ADCY4: variants seen among roughly 807,000 people sequenced by gnomAD.
ADCY4 encodes the protein adenylate cyclase 4, also known as adenylate cyclase type 4.
ADCY4 carries 111 observed loss-of-function variants against 125.5 expected under a neutral mutation model. The observed-to-expected ratio is 0.88, with a 90% CI of 0.76 to 1.04. The LOEUF (loss-of-function observed/expected upper bound fraction) is 1.04. Among genes scored for constraint, ADCY4 ranks in the 50% least tolerant of loss-of-function variants. The pLI, the probability that ADCY4 is intolerant of heterozygous loss-of-function variation, is 0.00. For synonymous variants in ADCY4, 576 were observed against 586.9 expected (o/e 0.98, Z 0.27); for missense variants, 1,256 against 1,382.9 (o/e 0.91, Z 1.46).
chr14:24,331,298 A>G lies in ADCY4; in HGVS notation c.728T>C (p.Ile243Thr), dbSNP rs756270098. 7 of 1,614,006 alleles carry G rather than the reference A, an allele frequency of 4.3e-6. No homozygotes were observed. Among genetic ancestry groups the G allele is most frequent in the Non-Finnish European group, 5.9e-6 (7 of 1,180,026 alleles). Reference sequence around the variant, plus strand: ...CTGTCCTGCCTGCAGCCGTGCCATGATCTCTGCCTTCATCTCTCGGGCCAG... The same window carrying G: ...CTGTCCTGCCTGCAGCCGTGCCATGGTCTCTGCCTTCATCTCTCGGGCCAG... The part of the protein sequence containing the change: ...AYLAREMKAE[I>T]MARLQAGQGS... Residue 243 changes from isoleucine (I) to threonine (T), a missense_variant, in exon 5 of 25, where the codon ATC (isoleucine) becomes ACC (threonine). Ile to Thr is a moderately conservative substitution (Grantham distance 89). Transcript: ENST00000418030.
At chr14:24,333,032 G>A (rs1329005874) in intron 1 of ADCY4, 44 bp from the exon 2 acceptor site, 2 of 1,485,884 alleles carry the variant, frequency 1.3e-6, no homozygotes, top group Non-Finnish European at 1.8e-6. Context: ...CAGGGAGAAG[G>A]AACGAACCTG....
intron 10 of ADCY4, chr14:24,328,460 T>A (rs1447424791): frequency 6.5e-6 from 1 of 154,638 alleles, no homozygotes; most frequent in African/African-American, 2.4e-5. Context: ...AAAATACTAA[T>A]AGTCCCTGAT....
rs1323640572 is a variant in ADCY4 at position 24,322,678 on chromosome 14, C to T, written c.2373G>A (p.Met791Ile). ...RPGVLKEPKLMGAISFFIFFF... is the reference protein window; with the variant it reads ...RPGVLKEPKLIGAISFFIFFF... ...AGAAGATGAAGAAGGAGATAGCACC[C>T]ATCAGTTTGGGCTCCTTCAGCACTC... The change falls in exon 19 of 25, where the codon ATG (methionine) becomes ATA (isoleucine). Residue 791 changes from methionine to isoleucine, a missense_variant. Coordinates refer to ENST00000418030, the MANE Select transcript of ADCY4 (RefSeq NM_001198568.2). 6.2e-7 allele frequency: 1 copy of T among 1,614,142 alleles called. No homozygotes were observed. Among genetic ancestry groups the T allele is most frequent in the Non-Finnish European group, 8.5e-7 (1 of 1,180,026 alleles).
intron 14 of ADCY4, among the ~76,000 whole-genome samples, chr14:24,324,726 C>T (rs1177672336): frequency 6.7e-5 from 10 of 150,336 alleles, no homozygotes; most frequent in Admixed American, 5.3e-4. Context: ...TTTTTTGAGG[C>T]GGAGTCTCGC....
In ADCY4 at chr14:24,331,891, A is replaced by C. The variant is rs1594668899; in HGVS notation, c.566T>G (p.Val189Gly). The C allele has an allele frequency of 6.3e-7, 1 of 1,584,848 alleles. No individual in the cohort carries two copies. Among genetic ancestry groups the C allele is most frequent in the South Asian group, 1.1e-5 (1 of 89,636 alleles). Residue 189 changes from valine to glycine, a missense_variant, in exon 4 of 25, where the codon GTG becomes GGG. Physicochemically the swap from Val to Gly is moderately radical, Grantham distance 109. Transcript: ENST00000418030. The part of the protein sequence containing the change: ...VLFLCGNVAG[V>G]YHKALMERAL... Reference sequence around the variant, plus strand: ...GCGCTCCATCAGCGCCTTGTGGTACACTCCTGCCACGTTCCCGCACAGGAA... The same window carrying C: ...GCGCTCCATCAGCGCCTTGTGGTACCCTCCTGCCACGTTCCCGCACAGGAA...
chr14:24,327,007 T>C (rs2041959033), intron 10 of ADCY4, among the ~76,000 whole-genome samples: 1 of 146,826 alleles, frequency 6.8e-6, no homozygotes, highest in South Asian at 2.2e-4. Context: ...AGCAATTCTC[T>C]TGCCTCAGCC....
In ADCY4 at chr14:24,324,207, G is replaced by T; in HGVS notation, c.1909-8C>A. On this transcript the variant is annotated splice_region_variant and splice_polypyrimidine_tract_variant and intron_variant, in intron 15 of 24. Coordinates refer to ENST00000418030, the MANE Select transcript of ADCY4 (RefSeq NM_001198568.2). Reference sequence around the variant, plus strand: ...GCCTTTCAGGACACACCTCTGTGGAGGGAGCATGGGCATCTTAGCCACGGG... The same window carrying T: ...GCCTTTCAGGACACACCTCTGTGGATGGAGCATGGGCATCTTAGCCACGGG... The T allele has an allele frequency of 6.2e-7, 1 of 1,614,186 alleles. No homozygotes were observed. Among genetic ancestry groups the T allele is most frequent in the Non-Finnish European group, 8.5e-7 (1 of 1,180,016 alleles).
Position 24,319,862 on chromosome 14 carries a change from G to T in ADCY4, c.2613C>A (p.Cys871Ter), listed in dbSNP as rs146019507. 9 of 1,613,860 alleles carry T rather than the reference G, an allele frequency of 5.6e-6. No homozygotes were observed. In the South Asian group the frequency reaches 6.6e-5, roughly 12 times the overall value. ...NEDLYHQSYE[C>*]VCVLFASVPD... ...GGACTGAGGCGAAGAGGACACAAAC[G>T]CATTCATAGGACTGGTGGTAGAGAT... Residue 871 changes from cysteine (C) to a stop codon, truncating the protein, a stop_gained, in exon 21 of 25, where the codon TGC (cysteine) becomes TGA (stop). Transcript: ENST00000418030. LOFTEE classifies it high-confidence loss of function. This position sits in a 1 kb window ranked among gnomAD's most constrained non-coding sequence, Gnocchi z 4.5.
Position 24,318,530 on chromosome 14 carries a change from G to C in ADCY4, c.3120C>G (p.Gly1040=). ...TGACACCCCGGCTGTAGCAGGTGTA[G>C]CCCAGGGACTGTAGGGCCCATGCTG... ...EETAWALQSL[G]YTCYSRGVIK... is the part of the protein sequence containing the mutation. Residue 1040 remains glycine (G), a synonymous_variant, in exon 25 of 25, where the codon GGC becomes GGG. Transcript: ENST00000418030. 1 of 1,614,168 alleles carries C rather than the reference G, an allele frequency of 6.2e-7. No individual in the cohort carries two copies. The highest frequency in any genetic ancestry group is 8.5e-7 in the Non-Finnish European group (1 of 1,180,024).
chr14:24,331,031 T>C lies in ADCY4; in HGVS notation c.917A>G (p.Asp306Gly), dbSNP rs2042032433. 3 of 1,607,474 alleles carry C rather than the reference T, an allele frequency of 1.9e-6. No homozygotes were observed. Among genetic ancestry groups the C allele is most frequent in the African/African-American group, 1.3e-5 (1 of 74,794 alleles). ...LMLNELFGKF[D>G]QIAKEHECMR... ...GTCTTCTCTGACCTTGGCAATCTGGTCGAACTTGCCAAAGAGCTCATTGAG... is the reference window on the plus strand; with the variant it reads ...GTCTTCTCTGACCTTGGCAATCTGGCCGAACTTGCCAAAGAGCTCATTGAG... Residue 306 changes from aspartate (D) to glycine (G), a missense_variant, in exon 6 of 25, where the codon GAC becomes GGC. Physicochemically the swap from Asp to Gly is moderately conservative, Grantham distance 94 (BLOSUM62 -1). Coordinates refer to ENST00000418030, the MANE Select transcript of ADCY4 (RefSeq NM_001198568.2).
intron 16 of ADCY4, chr14:24,323,699 G>A (rs1421254748): frequency 7.4e-7 from 1 of 1,360,532 alleles, no homozygotes; most frequent in African/African-American, 1.5e-5. Flanking sequence ...CAGCCACTTA[G>A]CCTCTCTGGG....
chr14:24,332,938 G>A lies in ADCY4; in HGVS notation c.210C>T (p.Gly70=), dbSNP rs373646083. Residue 70 remains glycine (G), a synonymous_variant, in exon 2 of 25, where the codon GGC becomes GGT. Transcript: ENST00000418030. The stretch of plus-strand genomic sequence containing the variant: ...CGAGGCCCAGCAGCAGCGAGAAGCC[G>A]CCCAGCGCGCACAGCACAGTGGTCA... ...SFLTTVLCAL[G]GFSLLLGLAS... 2.4e-5 allele frequency: 39 copies of A among 1,593,506 alleles called. No homozygotes were observed. Among genetic ancestry groups the A allele is most frequent in the Non-Finnish European group, 3.1e-5 (36 of 1,168,692 alleles).
rs1169802729 is a variant in ADCY4, at chr14:24,322,545, T to C, written c.2427+79A>G. 4.7e-6 allele frequency: 7 copies of C among 1,476,656 alleles called. No homozygotes were observed. The African/African-American group carries it at 7.0e-5, about 15-fold the overall frequency. 91.5% of individuals were successfully genotyped at this position (1,476,656 alleles called of 1,614,324 possible). Reference sequence around the variant, plus strand: ...GAAGCTTCCAATGGGCATTCAACCCTGGAGATTAGAAAGATCAAGTCACAG... The same window carrying C: ...GAAGCTTCCAATGGGCATTCAACCCCGGAGATTAGAAAGATCAAGTCACAG... On this transcript the variant is annotated intron_variant, in intron 19 of 24. Coordinates refer to ENST00000418030, the MANE Select transcript of ADCY4 (RefSeq NM_001198568.2).
rs1183699090 is a variant in ADCY4 at position 24,334,660 on chromosome 14, C to T, written c.-8G>A. On this transcript the variant is annotated 5_prime_UTR_variant, in exon 1 of 25. Coordinates refer to ENST00000418030, the MANE Select transcript of ADCY4 (RefSeq NM_001198568.2). ...GCTGAAGAGGCGGGCCATGATCTCCCCAGCCCCGAGCCCCGGGGCTGGCTA... is the reference window on the plus strand; with the variant it reads ...GCTGAAGAGGCGGGCCATGATCTCCTCAGCCCCGAGCCCCGGGGCTGGCTA... The T allele has an allele frequency of 1.3e-6, 2 of 1,537,244 alleles. No individual in the cohort carries two copies. The highest frequency in any genetic ancestry group is 4.9e-5 in the East Asian group (2 of 40,636).
intron 8 of ADCY4, 46 bp from the exon 9 acceptor site, chr14:24,329,579 T>A: frequency 6.7e-7 from 1 of 1,499,580 alleles, no homozygotes; most frequent in Non-Finnish European, 8.9e-7. Context: ...GGCCTTCAAA[T>A]CTCCTATTTC....
chr14:24,330,920 G>A, intron 6 of ADCY4, 98 bp downstream of exon 6: 1 of 1,067,296 alleles, frequency 9.4e-7, no homozygotes, highest in East Asian at 2.5e-5. Flanking sequence ...GCACTGAAGT[G>A]GGCCTGGGAT....
chr14:24,332,487 G>T (rs1287504389), intron 3 of ADCY4, 35 bp downstream of exon 3: 1 of 1,548,402 alleles, frequency 6.5e-7, no homozygotes, highest in East Asian at 2.4e-5. Flanking sequence ...TGGCAGAGCC[G>T]TCCTGAGCGC....
rs1222967873 is a variant in ADCY4 at position 24,319,109 on chromosome 14, C to T, written c.2945G>A (p.Arg982His). Residue 982 changes from arginine (R) to histidine (H), a missense_variant, in exon 23 of 25, where the codon CGC (arginine) becomes CAC (histidine). By Grantham distance (29) the Arg-to-His change is conservative. Transcript: ENST00000418030. This position sits in a 1 kb window ranked among gnomAD's most constrained non-coding sequence, Gnocchi z 4.5. ...VINKHSFNNF[R>H]LRVGLNHGPV... ...GGGAAGTCTCTCACCCACTCGCAGG[C>T]GGAAGTTGTTGAATGAATGCTTGTT... is the stretch of plus-strand genomic sequence containing the variant. 6.8e-6 allele frequency: 11 copies of T among 1,613,822 alleles called. No homozygotes were observed. The highest frequency in any genetic ancestry group is 1.3e-5 in the African/African-American group (1 of 74,858).
chr14:24,324,336 G>T lies in ADCY4; in HGVS notation c.1879C>A (p.Leu627Ile), dbSNP rs750410595. 1.2e-6 allele frequency: 2 copies of T among 1,614,236 alleles called. No individual in the cohort carries two copies. The highest frequency in any genetic ancestry group is 1.7e-6 in the Non-Finnish European group (2 of 1,180,032). ...SITFLLFLLI[L>I]FVCFSEDLMR... ...AGGTCCTCTGAGAAGCAGACAAAAA[G>T]GATGAGGAGGAAGAGGAGGAAGGTG... Residue 627 changes from leucine (L) to isoleucine (I), a missense_variant, in exon 15 of 25, where the codon CTT (leucine) becomes ATT (isoleucine). Leu to Ile is a conservative substitution (Grantham distance 5). Transcript: ENST00000418030.
Sources: gnomAD v4.1 joint callset for allele counts (sites outside exome capture counted in the v4.1 genomes callset) on GRCh38, gnomAD v4.1.1 for gene constraint, Gnocchi (gnomAD v3.1) non-coding constraint, MANE v1.5 for transcripts, NCBI Gene and HGNC (gene_info 2026-07-23, HGNC 2026-07-21) for gene names.